Variants in CDK13 observed in about 807,000 individuals in gnomAD.
The protein encoded by CDK13 is cyclin dependent kinase 13.
In CDK13, 40 loss-of-function variants were observed where a neutral mutation model predicts 137.6. The ratio of observed to expected loss-of-function variants is 0.29; its 90% CI spans 0.23 to 0.38. The LOEUF (loss-of-function observed/expected upper bound fraction) is 0.38. Ranked by LOEUF, CDK13 falls within the 10% of genes least tolerant of loss-of-function variation. The pLI, the probability that CDK13 is intolerant of heterozygous loss-of-function variation, is 1.00. For missense variants in CDK13, 1,704 were observed against 1,951.8 expected (o/e 0.87, Z 2.39); for synonymous variants, 869 against 760.1 (o/e 1.14, Z -2.36).
At chr7:39,956,939 C>T (rs1398827618) in intron 1 of CDK13, among the ~76,000 whole-genome samples, 1 of 151,852 alleles carries the variant, frequency 6.6e-6, no homozygotes, top group African/African-American at 2.4e-5. Context: ...GATCTGGCTC[C>T]ATTCTATCAC....
chr7:40,003,206 A>ACACACACTCTCTCTCTCT (rs374470130), intron 5 of CDK13, among the ~76,000 whole-genome samples: 1 of 79,864 alleles, frequency 1.3e-5, no homozygotes. Context: ...ACACACACAC[A>ACACACACTCTCTCTCTCT]CTCTCTCTCT....
At chr7:39,991,019 C>T (rs967417389) in intron 2 of CDK13, among the ~76,000 whole-genome samples, 8 of 150,696 alleles carry the variant, frequency 5.3e-5, no homozygotes, top group African/African-American at 2.0e-4. Flanking sequence ...AGACCTAGTG[C>T]TTCATTTGAA....
intron 4 of CDK13, among the ~76,000 whole-genome samples, 178 bp downstream of exon 4, chr7:39,999,678 G>C (rs1398777844): frequency 6.6e-6 from 1 of 152,130 alleles, no homozygotes; most frequent in Non-Finnish European, 1.5e-5. Flanking sequence ...GTACATGTAA[G>C]TGGGTCTGTA....
rs563811515 is a variant in CDK13 at position 40,001,852 on chromosome 7, C to T, written c.2183-9C>T. ...ACTGGTAACCTGATTTTATTAAATT[C>T]CTTAATAGGAGAAATGGTAGCCTTA... On this transcript the variant is annotated splice_polypyrimidine_tract_variant and intron_variant, in intron 4 of 13. Transcript: ENST00000181839. 4 of 1,557,640 alleles carry T rather than the reference C, an allele frequency of 2.6e-6. No homozygotes were observed. The African/African-American group carries it at 4.1e-5, about 16-fold the overall frequency.
chr7:40,076,720 TATAA>T (rs1274328252), intron 9 of CDK13, among the ~76,000 whole-genome samples: 4 of 152,216 alleles, frequency 2.6e-5, no homozygotes, highest in African/African-American at 9.6e-5. Context: ...AAAGGTCTCC[TATAA>T]ATATGTGTTT....
chr7:40,069,348 T>C (rs1786359652), intron 9 of CDK13: 1 of 456,004 alleles, frequency 2.2e-6, no homozygotes, highest in Non-Finnish European at 4.4e-6. Flanking sequence ...CAAATCTGAC[T>C]ATAATGAGGC....
intron 1 of CDK13, among the ~76,000 whole-genome samples, chr7:39,971,242 G>A (rs1314942514): frequency 6.6e-6 from 1 of 152,170 alleles, no homozygotes; most frequent in African/African-American, 2.4e-5. Flanking sequence ...CTAGGGCTGG[G>A]TGTGGTGGCT....
chr7:39,992,070 T>TACACAC lies in CDK13; in HGVS notation c.1871+3841_1871+3846dup, dbSNP rs148046155. Among the ~76,000 whole-genome samples, 1,159 of 147,042 alleles carry TACACAC rather than the reference T, an allele frequency of 7.9e-3. 12 individuals are homozygous for TACACAC. Among genetic ancestry groups the TACACAC allele is most frequent in the East Asian group, 0.038 (175 of 4,624 alleles). The stretch of plus-strand genomic sequence containing the variant: ...CTGTCTCAAAAAAAGGAAAAAATTA[T>TACACAC]ACACACACACACACACACACACACA... On this transcript the variant is annotated intron_variant, in intron 2 of 13. Transcript: ENST00000181839.
chr7:39,997,461 T>G, intron 2 of CDK13, 33 bp from the exon 3 acceptor site: 1 of 1,561,782 alleles, frequency 6.4e-7, no homozygotes, highest in Non-Finnish European at 8.7e-7. Flanking sequence ...AACAAAATTT[T>G]TGTTTTATTT....
intron 12 of CDK13, among the ~76,000 whole-genome samples, 160 bp downstream of exon 12, chr7:40,088,491 A>G (rs1424612873): frequency 6.6e-6 from 1 of 152,224 alleles, no homozygotes; most frequent in Admixed American, 6.5e-5. Context: ...TTTCATTGCT[A>G]TTGGCACCAC....
intron 5 of CDK13, among the ~76,000 whole-genome samples, chr7:40,011,348 C>A (rs1169987696): frequency 6.6e-6 from 1 of 152,146 alleles, no homozygotes. Flanking sequence ...CATAGTGAGA[C>A]CCTGTCTCTA....
chr7:39,995,513 CTGTT>C (rs1176941908), intron 2 of CDK13, among the ~76,000 whole-genome samples: 2 of 152,294 alleles, frequency 1.3e-5, no homozygotes, highest in East Asian at 3.9e-4. Context: ...CTCTAGGAAT[CTGTT>C]TGTGTAACAC....
At chr7:40,014,881 G>A (rs1043773811) in intron 5 of CDK13, among the ~76,000 whole-genome samples, 1 of 152,004 alleles carries the variant, frequency 6.6e-6, no homozygotes, top group Non-Finnish European at 1.5e-5. Flanking sequence ...TTCATCTTTT[G>A]AGTAACATTG....
At position 40,098,710 on chromosome 7, in the gene CDK13, C is replaced by T. The variant is rs1035616178; in HGVS notation, c.*3730C>T. On this transcript the variant is annotated 3_prime_UTR_variant, in exon 14 of 14. Transcript: ENST00000181839. ...CCTGTGCTTGTTCCTCTAAGCCATACCTAAATTCTGCAGTAAATACTTAAC... is the reference window on the plus strand; with the variant it reads ...CCTGTGCTTGTTCCTCTAAGCCATATCTAAATTCTGCAGTAAATACTTAAC... 1 of 151,950 alleles carries T rather than the reference C, an allele frequency of 6.6e-6. No individual in the cohort carries two copies. The highest frequency in any genetic ancestry group is 1.5e-5 in the Non-Finnish European group (1 of 67,950). The allele number at this position is 151,950 out of a possible 1,614,324, so 9.4% of individuals were successfully genotyped here.
At chr7:40,030,424 T>A (rs1047663261) in intron 5 of CDK13, among the ~76,000 whole-genome samples, 2 of 8,044 alleles carry the variant, frequency 2.5e-4, no homozygotes, top group Non-Finnish European at 4.8e-4. Flanking sequence ...AACCACTGAT[T>A]TTTTTTTTTT....
At position 40,002,005 on chromosome 7, in the gene CDK13, A is replaced by T; in HGVS notation, c.2327A>T (p.Asp776Val). 1 of 1,607,940 alleles carries T rather than the reference A, an allele frequency of 6.2e-7. No homozygotes were observed. Among genetic ancestry groups the T allele is most frequent in the Non-Finnish European group, 8.5e-7 (1 of 1,177,704 alleles). The part of the protein sequence containing the change: ...NMKEIVTDKE[D>V]ALDFKKDKGA... ...AAGGAAATAGTGACTGATAAAGAAG[A>T]TGCTTTGGATTTCAAGAAGGACAAA... Residue 776 changes from aspartate (D) to valine (V), a missense_variant, in exon 5 of 14, where the codon GAT becomes GTT. Around this residue, in one of 5 missense-constraint regions of CDK13, gnomAD observed 130 missense variants for 362.4 expected, o/e 0.36. Coordinates refer to ENST00000181839, the MANE Select transcript of CDK13 (RefSeq NM_003718.5).
At chr7:40,062,759 T>A (rs773530533) in intron 7 of CDK13, 67 bp from the exon 8 acceptor site, 8 of 1,125,836 alleles carry the variant, frequency 7.1e-6, no homozygotes, top group Non-Finnish European at 1.1e-5. Flanking sequence ...TAAAATAATA[T>A]TTCCTCAGAG....
At chr7:40,086,499 C>T (rs996099420) in intron 11 of CDK13, among the ~76,000 whole-genome samples, 1 of 152,146 alleles carries the variant, frequency 6.6e-6, no homozygotes, top group African/African-American at 2.4e-5. Context: ...CCATTAAATA[C>T]TTAATTAGGG....
chr7:40,031,100 A>G (rs540061901), intron 5 of CDK13, among the ~76,000 whole-genome samples: 10 of 152,250 alleles, frequency 6.6e-5, no homozygotes, highest in Non-Finnish European at 5.9e-5. Flanking sequence ...TGCATAAGCA[A>G]TAAATGAAAG....
Sources: gnomAD v4.1 joint callset for allele counts (sites outside exome capture counted in the v4.1 genomes callset) on GRCh38, gnomAD v4.1.1 for gene constraint, gnomAD v4.1.1 regional missense constraint, MANE v1.5 for transcripts, NCBI Gene and HGNC (gene_info 2026-07-23, HGNC 2026-07-21) for gene names.